Variants in LINC00305 observed in about 807,000 individuals in gnomAD.
LINC00305 encodes long independently transcribed non-coding RNA 305.
At chr18:64,132,648 T>C (rs975202729) in intron 1 of LINC00305, among the ~76,000 whole-genome samples, 12 of 152,196 alleles carry the variant, frequency 7.9e-5, no homozygotes, top group Admixed American at 3.3e-4. Context: ...GTATGCAGTG[T>C]AGCCTGGCTC....
chr18:64,110,464 T>A (rs1263469543), intron 1 of LINC00305, among the ~76,000 whole-genome samples: 1 of 152,192 alleles, frequency 6.6e-6, no homozygotes, highest in Non-Finnish European at 1.5e-5. Flanking sequence ...GCTTACTGGG[T>A]TCTACTAGAC....
chr18:64,114,085 C>T (rs1207761807), intron 1 of LINC00305, among the ~76,000 whole-genome samples: 1 of 152,090 alleles, frequency 6.6e-6, no homozygotes, highest in African/African-American at 2.4e-5. Context: ...CTGGCTAACT[C>T]GGTGAAACCC....
At chr18:64,143,793 ATGCG>A (rs2051483061) in intron 1 of LINC00305, among the ~76,000 whole-genome samples, 1 of 92,592 alleles carries the variant, frequency 1.1e-5, no homozygotes, top group African/African-American at 4.0e-5. Flanking sequence ...TACACATATT[ATGCG>A]TACATGTATG....
intron 1 of LINC00305, among the ~76,000 whole-genome samples, chr18:64,127,151 C>A (rs941584230): frequency 6.6e-6 from 1 of 151,946 alleles, no homozygotes; most frequent in Admixed American, 6.6e-5. Context: ...CAGAAATAAA[C>A]AATAATTTAT....
At chr18:64,130,643 G>C (rs1169406959) in intron 1 of LINC00305, among the ~76,000 whole-genome samples, 1 of 152,174 alleles carries the variant, frequency 6.6e-6, no homozygotes, top group African/African-American at 2.4e-5. Flanking sequence ...TATGGAAACA[G>C]AGAGGAGGGA....
chr18:64,120,155 A>G (rs1237631827), intron 1 of LINC00305, among the ~76,000 whole-genome samples: 1 of 152,122 alleles, frequency 6.6e-6, no homozygotes, highest in Non-Finnish European at 1.5e-5. Context: ...TAAATAATAA[A>G]AGCTTACCTG....
intron 1 of LINC00305, among the ~76,000 whole-genome samples, chr18:64,114,750 T>A (rs1292496004): frequency 2.6e-5 from 4 of 152,224 alleles, no homozygotes; most frequent in Non-Finnish European, 5.9e-5. Context: ...AGTTTTGCCA[T>A]GTTGGCCAGG....
intron 3 of LINC00305, among the ~76,000 whole-genome samples, chr18:64,092,178 G>C (rs552443187): frequency 7.2e-5 from 11 of 152,182 alleles, no homozygotes; most frequent in Non-Finnish European, 1.6e-4. Flanking sequence ...TGCTTACTGG[G>C]TGCCTTTTCT....
At chr18:64,103,293 G>A (rs889078449) in intron 1 of LINC00305, among the ~76,000 whole-genome samples, 2 of 152,170 alleles carry the variant, frequency 1.3e-5, no homozygotes, top group Admixed American at 6.5e-5. Context: ...CTTCATTCGT[G>A]TGTAGATTTC....
intron 1 of LINC00305, among the ~76,000 whole-genome samples, chr18:64,137,097 G>A (rs557643496): frequency 6.6e-6 from 1 of 152,286 alleles, no homozygotes; most frequent in Non-Finnish European, 1.5e-5. Flanking sequence ...GTCTTAATTA[G>A]TGACTGGTGT....
chr18:64,138,249 C>T (rs758933555), intron 1 of LINC00305, among the ~76,000 whole-genome samples: 3 of 152,164 alleles, frequency 2.0e-5, no homozygotes, highest in Non-Finnish European at 2.9e-5. Context: ...TCTCTCATTA[C>T]CTCTTTTTTT....
intron 1 of LINC00305, among the ~76,000 whole-genome samples, chr18:64,122,467 T>C (rs145399586): frequency 6.6e-6 from 1 of 152,250 alleles, no homozygotes; most frequent in Non-Finnish European, 1.5e-5. Context: ...TATGATCTTG[T>C]CTATTTTGTC....
intron 3 of LINC00305, among the ~76,000 whole-genome samples, chr18:64,087,944 AC>A (rs1282920319): frequency 6.6e-6 from 1 of 151,818 alleles, no homozygotes; most frequent in South Asian, 2.1e-4. Context: ...ACAAAAAAAA[AC>A]AAAACAAACA....
intron 1 of LINC00305, among the ~76,000 whole-genome samples, chr18:64,137,265 C>T (rs948776085): frequency 2.0e-5 from 3 of 152,138 alleles, no homozygotes; most frequent in South Asian, 2.1e-4. Flanking sequence ...AAGGATCTTT[C>T]GCTAGAGCCT....
intron 1 of LINC00305, among the ~76,000 whole-genome samples, chr18:64,119,568 T>C (rs897979152): frequency 6.6e-6 from 1 of 152,174 alleles, no homozygotes; most frequent in African/African-American, 2.4e-5. Context: ...GAACTTCAGT[T>C]ATTATAGACT....
intron 1 of LINC00305, among the ~76,000 whole-genome samples, chr18:64,119,717 A>G (rs754136360): frequency 7.0e-4 from 107 of 152,106 alleles, no homozygotes; most frequent in Non-Finnish European, 1.4e-3. Context: ...AAAGACCTCT[A>G]TGGTCTCCTC....
intron 1 of LINC00305, among the ~76,000 whole-genome samples, chr18:64,143,576 G>GTACATA (rs2051477122): frequency 2.3e-4 from 4 of 17,392 alleles, no homozygotes; most frequent in African/African-American, 5.2e-4. Context: ...ATACACATAT[G>GTACATA]TATATGTACA....
At chr18:64,130,678 T>G (rs972080046) in intron 1 of LINC00305, among the ~76,000 whole-genome samples, 2 of 152,104 alleles carry the variant, frequency 1.3e-5, no homozygotes, top group Admixed American at 1.3e-4. Flanking sequence ...ACTAAGAAAT[T>G]CAGTACAATC....
intron 1 of LINC00305, among the ~76,000 whole-genome samples, chr18:64,106,099 T>C (rs2051289409): frequency 6.6e-6 from 1 of 152,234 alleles, no homozygotes; most frequent in African/African-American, 2.4e-5. Flanking sequence ...TTCTACAAAC[T>C]GAAGCCCTGA....
Sources: allele counts gnomAD v4.1 joint callset (sites outside exome capture counted in the v4.1 genomes callset), GRCh38; gene constraint gnomAD v4.1.1; transcripts MANE v1.5; gene names NCBI Gene and HGNC (gene_info 2026-07-23, HGNC 2026-07-21).